The following GGT1 variants were observed in gnomAD, a reference collection of about 807,000 sequenced individuals.
GGT1 encodes glutathione hydrolase 1 proenzyme.
A neutral mutation model predicts 56.0 loss-of-function variants in GGT1; 21 were observed. The observed-to-expected ratio is 0.38, with a 90% CI of 0.27 to 0.54. The LOEUF (loss-of-function observed/expected upper bound fraction) is 0.54, where lower values mean the gene tolerates loss of function less well. Ranked by LOEUF, GGT1 falls within the 20% of genes least tolerant of loss-of-function variation. The pLI, the probability that GGT1 is intolerant of heterozygous loss-of-function variation, is 0.82. For missense variants in GGT1, 466 were observed against 787.0 expected (o/e 0.59, Z 4.88); for synonymous variants, 238 against 342.6 (o/e 0.69, Z 3.37).
chr22:24,620,989 G>A lies in GGT1; in HGVS notation c.652G>A (p.Glu218Lys), dbSNP rs548087574. 6.8e-6 allele frequency: 11 copies of A among 1,611,836 alleles called. No homozygotes were observed. Among genetic ancestry groups the A allele is most frequent in the Admixed American group, 3.3e-5 (2 of 59,978 alleles). Residue 218 changes from glutamate to lysine, a missense_variant, in exon 9 of 16, where the codon GAG becomes AAG. Glu to Lys is a moderately conservative substitution (Grantham distance 56). Transcript: ENST00000400382. The surrounding 1 kb of genome is among the most constrained non-coding windows in gnomAD (Gnocchi z 5.6). ...LTLPQLADTY[E>K]TLAIEGAQAF... Reference sequence around the variant, plus strand: ...CCTGCCGCAGCTGGCTGACACCTACGAGACGCTGGCCATCGAGGGTGCCCA... The same window carrying A: ...CCTGCCGCAGCTGGCTGACACCTACAAGACGCTGGCCATCGAGGGTGCCCA...
In GGT1 at chr22:24,620,560, G is replaced by A. The variant is rs771909125; in HGVS notation, c.575+40G>A. The A allele has an allele frequency of 4.4e-6, 7 of 1,608,536 alleles. No individual in the cohort carries two copies. The Admixed American group carries it at 5.0e-5, about 12-fold the overall frequency. ...GCGGCCCCCTGACACAGGCAGGGCA[G>A]GCACAGCCCAAGGACCTTGCAGGCC... On this transcript the variant is annotated intron_variant, in intron 8 of 15. Coordinates refer to ENST00000400382, the MANE Select transcript of GGT1 (RefSeq NM_001288833.2). The surrounding 1 kb of genome is among the most constrained non-coding windows in gnomAD (Gnocchi z 5.6).
chr22:24,612,110 T>C (rs931985954), intron 5 of GGT1, among the ~76,000 whole-genome samples: 40 of 152,090 alleles, frequency 2.6e-4, no homozygotes, highest in African/African-American at 9.7e-4. Flanking sequence ...GGCCTAATTA[T>C]GGTGTTTTTA....
chr22:24,616,204 A>G (rs1379059837), intron 7 of GGT1, among the ~76,000 whole-genome samples: 2 of 151,904 alleles, frequency 1.3e-5, no homozygotes, highest in African/African-American at 2.4e-5. Context: ...CACCTAGGTC[A>G]GGAGTTCAAG....
upstream of GGT1, among the ~76,000 whole-genome samples, chr22:24,601,059 A>C (rs1441551028): frequency 6.6e-6 from 1 of 152,184 alleles, no homozygotes; most frequent in Admixed American, 6.5e-5. Flanking sequence ...AGTCAGTTCT[A>C]TTTAGCCAGT....
rs142516175 is a variant in GGT1, at chr22:24,620,036, TAAA to T, written c.383-288_383-286del. On this transcript the variant is annotated intron_variant, in intron 7 of 15. Coordinates refer to ENST00000400382, the MANE Select transcript of GGT1 (RefSeq NM_001288833.2). The surrounding 1 kb of genome is among the most constrained non-coding windows in gnomAD (Gnocchi z 5.6). ...CCTCCTAAAAAAAAACAATTAAAAT[TAAA>T]AAATAAATTTAAAAATTAAAAATCC... 0.36 allele frequency among the ~76,000 whole-genome samples: 54,581 copies of T among 149,752 alleles called. 10,089 individuals carry two copies. The highest frequency in any genetic ancestry group is 0.52 in the Middle Eastern group (151 of 292).
chr22:24,593,122 C>G, upstream of GGT1: 1 of 1,017,750 alleles, frequency 9.8e-7, no homozygotes, highest in Non-Finnish European at 1.2e-6. Flanking sequence ...GTCGCCCCGC[C>G]TCCAATCACC....
chr22:24,599,808 G>A (rs941154911), upstream of GGT1, among the ~76,000 whole-genome samples: 1 of 152,190 alleles, frequency 6.6e-6, no homozygotes, highest in South Asian at 2.1e-4. Flanking sequence ...GCTGCTATGA[G>A]GCAGGGGGAG....
chr22:24,626,032 C>A (rs1372706664), intron 11 of GGT1, among the ~76,000 whole-genome samples: 1 of 127,676 alleles, frequency 7.8e-6, no homozygotes, highest in Non-Finnish European at 1.6e-5. Context: ...CCAGGCTGTC[C>A]CCCAGGCTGG....
chr22:24,596,914 CAAAAA>C (rs78452000), intron 1 of GGT1, among the ~76,000 whole-genome samples: 921 of 63,048 alleles, frequency 0.015, 11 homozygotes, highest in African/African-American at 0.054. Flanking sequence ...GACTCTGTCT[CAAAAA>C]AAAAAAAAAA....
At position 24,628,428 on chromosome 22, in the gene GGT1, C is replaced by T. The variant is rs397843129; in HGVS notation, c.1563+40C>T. ...GGAGAAACTGAGTCAAGGTGTGGGG[C>T]CCCAGGGCATCCTGGGCTGGAGGCC... On this transcript the variant is annotated intron_variant, in intron 15 of 15. Transcript: ENST00000400382. The surrounding 1 kb of genome is among the most constrained non-coding windows in gnomAD (Gnocchi z 5.7). The T allele has an allele frequency of 5.6e-6, 9 of 1,607,756 alleles. No individual in the cohort carries two copies. In the Admixed American group the frequency reaches 6.7e-5, roughly 12 times the overall value.
chr22:24,628,173 A>C lies in GGT1; in HGVS notation c.1429A>C (p.Ile477Leu), dbSNP rs1236224780. ...MVVGAAGGTQ[I>L]TTATALAIIY... ...GGTGGGAGCTGCTGGGGGCACACAGATCACCACGGCCACTGCACTGGTATG... is the reference window on the plus strand; with the variant it reads ...GGTGGGAGCTGCTGGGGGCACACAGCTCACCACGGCCACTGCACTGGTATG... Residue 477 changes from isoleucine (I) to leucine (L), a missense_variant, in exon 14 of 16, where the codon ATC becomes CTC. Physicochemically the swap from Ile to Leu is conservative, Grantham distance 5 (BLOSUM62 2). This residue lies in a region of GGT1 where 456 missense variants were observed against 716.7 expected (regional missense o/e 0.64). Coordinates refer to ENST00000400382, the MANE Select transcript of GGT1 (RefSeq NM_001288833.2). The surrounding 1 kb of genome is among the most constrained non-coding windows in gnomAD (Gnocchi z 5.7). 5.6e-6 allele frequency: 9 copies of C among 1,612,012 alleles called. No individual in the cohort carries two copies. The highest frequency in any genetic ancestry group is 7.6e-6 in the Non-Finnish European group (9 of 1,179,850).
intron 1 of GGT1, among the ~76,000 whole-genome samples, chr22:24,597,372 C>A (rs1253426237): frequency 6.6e-6 from 1 of 152,076 alleles, no homozygotes; most frequent in Non-Finnish European, 1.5e-5. Context: ...GAGGAAAAAC[C>A]AACTCAAACT....
chr22:24,602,324 C>CTCAT (rs898597206), upstream of GGT1, among the ~76,000 whole-genome samples: 40 of 152,232 alleles, frequency 2.6e-4, no homozygotes, highest in African/African-American at 9.6e-4. Context: ...TGACCATACT[C>CTCAT]TCATGCCCAG....
intron 11 of GGT1, 55 bp from the exon 12 acceptor site, chr22:24,627,377 C>T (rs554654292): frequency 0.017 from 14,001 of 809,430 alleles, 147 homozygotes; most frequent in Non-Finnish European, 0.017. Context: ...GAGACCTGTG[C>T]CCCCTCCCCA....
At chr22:24,624,766 G>A (rs2047647368) in intron 11 of GGT1, 2 of 750,662 alleles carry the variant, frequency 2.7e-6, no homozygotes, top group Admixed American at 6.3e-5. Flanking sequence ...GGCAGCTGTT[G>A]TTGCTCTAGA....
intron 7 of GGT1, among the ~76,000 whole-genome samples, chr22:24,615,578 T>G (rs1019735408): frequency 6.6e-6 from 1 of 152,128 alleles, no homozygotes; most frequent in Non-Finnish European, 1.5e-5. Flanking sequence ...TGGGAGGTGG[T>G]GAAGCTAAAA....
At chr22:24,605,133 T>A (rs1235601146) in intron 1 of GGT1, among the ~76,000 whole-genome samples, 1 of 75,894 alleles carries the variant, frequency 1.3e-5, no homozygotes, top group Non-Finnish European at 2.1e-5. Flanking sequence ...ATGTAATATA[T>A]TATATAATAT....
In GGT1 at chr22:24,628,250, T is replaced by C. The variant is rs372079440; in HGVS notation, c.1450-25T>C. 4,797 of 1,611,670 alleles carry C rather than the reference T, an allele frequency of 3.0e-3. 83 individuals are homozygous for C. In the African/African-American group the frequency reaches 0.047, roughly 16 times the overall value. On this transcript the variant is annotated intron_variant, in intron 14 of 15. Transcript: ENST00000400382. This position sits in a 1 kb window ranked among gnomAD's most constrained non-coding sequence, Gnocchi z 5.7. ...CCCACCCTGCACAGCCCCCAAGCCA[T>C]GCTGATCACACTCCCATGCCCCAGG...
chr22:24,588,642 G>T, the GGT1 span: 1 of 1,126,732 alleles, frequency 8.9e-7, no homozygotes, highest in Non-Finnish European at 1.1e-6. Flanking sequence ...CTATCAGCCG[G>T]CTGCCTGCCC....
Sources: allele counts gnomAD v4.1 joint callset (sites outside exome capture counted in the v4.1 genomes callset), GRCh38; gene constraint gnomAD v4.1.1; regional missense constraint gnomAD v4.1.1; non-coding constraint Gnocchi (gnomAD v3.1); transcripts MANE v1.5; gene names NCBI Gene and HGNC (gene_info 2026-07-23, HGNC 2026-07-21).